Variants in PIK3R5 observed in about 807,000 individuals in gnomAD.
The protein encoded by PIK3R5 is phosphoinositide 3-kinase regulatory subunit 5.
Under a neutral mutation model 94.9 loss-of-function variants are expected in PIK3R5, and 32 were observed. That is an observed-to-expected ratio of 0.34 (90% CI 0.25 to 0.45). The LOEUF (loss-of-function observed/expected upper bound fraction) is 0.45. Among genes scored for constraint, PIK3R5 ranks in the 20% least tolerant of loss-of-function variants. The pLI is 1.00. For missense variants in PIK3R5, 853 were observed against 1,144.6 expected (o/e 0.75, Z 3.68); for synonymous variants, 443 against 479.4 (o/e 0.92, Z 0.99).
chr17:8,960,998 G>A (rs1226203345), intron 1 of PIK3R5, among the ~76,000 whole-genome samples: 1 of 152,182 alleles, frequency 6.6e-6, no homozygotes, highest in Non-Finnish European at 1.5e-5. Flanking sequence ...AGCTGTGCCA[G>A]GTCACTGGTC....
chr17:8,910,921 G>C (rs2090511569), intron 2 of PIK3R5, among the ~76,000 whole-genome samples: 1 of 152,104 alleles, frequency 6.6e-6, no homozygotes, highest in Non-Finnish European at 1.5e-5. Context: ...CGGACACCCT[G>C]TTTTTTAGTC....
At chr17:8,930,991 C>T (rs886147911) in intron 1 of PIK3R5, among the ~76,000 whole-genome samples, 2 of 151,974 alleles carry the variant, frequency 1.3e-5, no homozygotes, top group Admixed American at 6.6e-5. Flanking sequence ...GTGATATTGT[C>T]GTATTTGTTT....
intron 1 of PIK3R5, among the ~76,000 whole-genome samples, chr17:8,914,149 T>C (rs1391999235): frequency 6.6e-6 from 1 of 152,140 alleles, no homozygotes; most frequent in African/African-American, 2.4e-5. Context: ...CAGCGACCCT[T>C]TGTTCTCACA....
chr17:8,922,132 A>AGAAGGAGG (rs1418844970), intron 1 of PIK3R5, among the ~76,000 whole-genome samples: 1 of 141,970 alleles, frequency 7.0e-6, no homozygotes, highest in African/African-American at 2.5e-5. Flanking sequence ...AGAATAGGAA[A>AGAAGGAGG]GAAGGAGGGA....
intron 1 of PIK3R5, among the ~76,000 whole-genome samples, chr17:8,942,983 C>CACACACACACACAA (rs1388223748): frequency 6.6e-6 from 1 of 151,776 alleles, no homozygotes; most frequent in African/African-American, 2.4e-5. Context: ...CACACACACA[C>CACACACACACACAA]ACACACTTTG....
Position 8,942,731 on chromosome 17 carries a change from G to C in PIK3R5, c.-14+22865C>G, listed in dbSNP as rs775776943. On this transcript the variant is annotated intron_variant, in intron 1 of 18. Transcript: ENST00000447110. The stretch of plus-strand genomic sequence containing the variant: ...CGCCATTCTCCTGCCTCAGCCTCCT[G>C]AGTAGCTGGGACTACAGGCGTCCGC... Among the ~76,000 whole-genome samples the C allele has an allele frequency of 3.4e-4, 51 of 152,070 alleles. 1 individual carries two copies. Among genetic ancestry groups the C allele is most frequent in the Admixed American group, 6.5e-4 (10 of 15,278 alleles).
rs1042230985 is a variant in PIK3R5 at position 8,889,673 on chromosome 17, T to C, written c.811+300A>G. On this transcript the variant is annotated intron_variant, in intron 8 of 18. Transcript: ENST00000447110. This position sits in a 1 kb window ranked among gnomAD's most constrained non-coding sequence, Gnocchi z 4.1. ...TGACCAAGGCGGGCTCAAAGGAACA[T>C]GAGCGGAAGTGATGTGCCCAGCTTC... Among the ~76,000 whole-genome samples, 2 of 152,090 alleles carry C rather than the reference T, an allele frequency of 1.3e-5. No individual in the cohort carries two copies. Among genetic ancestry groups the C allele is most frequent in the African/African-American group, 4.8e-5 (2 of 41,384 alleles).
chr17:8,929,046 A>G (rs2090940724), intron 1 of PIK3R5, among the ~76,000 whole-genome samples: 1 of 152,222 alleles, frequency 6.6e-6, no homozygotes, highest in South Asian at 2.1e-4. Context: ...GTGGACTGTG[A>G]TAAGTAACAA....
In PIK3R5 at chr17:8,892,039, G is replaced by A. The variant is rs185114697; in HGVS notation, c.483-1127C>T. 3.7e-4 allele frequency among the ~76,000 whole-genome samples: 56 copies of A among 152,224 alleles called. No individual in the cohort carries two copies. The highest frequency in any genetic ancestry group is 7.5e-4 in the Non-Finnish European group (51 of 68,012). On this transcript the variant is annotated intron_variant, in intron 6 of 18. Transcript: ENST00000447110. This position sits in a 1 kb window ranked among gnomAD's most constrained non-coding sequence, Gnocchi z 4.3. The stretch of plus-strand genomic sequence containing the variant: ...AACCCCTCCATCACTGCATGACCTC[G>A]AAGCAAATTCGAGCCATGGCGGCTT...
In PIK3R5 at chr17:8,911,294, C is replaced by T. The variant is rs926364023; in HGVS notation, c.103+98G>A. 1.8e-5 allele frequency: 16 copies of T among 901,598 alleles called. 1 individual carries two copies. Among genetic ancestry groups the T allele is most frequent in the Non-Finnish European group, 2.5e-5 (14 of 565,772 alleles). The allele number at this position is 901,598 out of a possible 1,614,324, so 55.8% of individuals were successfully genotyped here. On this transcript the variant is annotated intron_variant, in intron 2 of 18. Transcript: ENST00000447110. The surrounding 1 kb of genome is among the most constrained non-coding windows in gnomAD (Gnocchi z 5.3). The stretch of plus-strand genomic sequence containing the variant: ...CCCAAGTCACACAGACAGGGTTTCA[C>T]CTAGAATTTGCCAGTTTCCATGCCT...
At chr17:8,931,138 T>G (rs1229065309) in intron 1 of PIK3R5, among the ~76,000 whole-genome samples, 5 of 152,234 alleles carry the variant, frequency 3.3e-5, no homozygotes, top group African/African-American at 1.2e-4. Flanking sequence ...TTAAAAGCCT[T>G]GTACAGATAA....
rs112763894 is a variant in PIK3R5, at chr17:8,901,928, A to G, written c.412+2849T>C. 5.5e-3 allele frequency among the ~76,000 whole-genome samples: 842 copies of G among 152,294 alleles called. 8 individuals are homozygous for G. Among genetic ancestry groups the G allele is most frequent in the African/African-American group, 0.019 (805 of 41,568 alleles). On this transcript the variant is annotated intron_variant, in intron 5 of 18. Transcript: ENST00000447110. ...TTTGTAGCTACATCTTTGTACATCC[A>G]TAGGGATTCATCAGGATAAAATTGA...
intron 1 of PIK3R5, among the ~76,000 whole-genome samples, chr17:8,947,915 C>T (rs1463018206): frequency 1.6e-4 from 25 of 151,642 alleles, no homozygotes; most frequent in Non-Finnish European, 3.1e-4. Context: ...TGGTGGCGGG[C>T]GCCTGTAGTC....
At chr17:8,906,990 A>G (rs2090410048) in intron 3 of PIK3R5, among the ~76,000 whole-genome samples, 1 of 152,140 alleles carries the variant, frequency 6.6e-6, no homozygotes, top group Admixed American at 6.6e-5. Context: ...TTTTAGCTGC[A>G]TTATACTCCT....
At chr17:8,923,075 A>T (rs2090787453) in intron 1 of PIK3R5, among the ~76,000 whole-genome samples, 2 of 152,190 alleles carry the variant, frequency 1.3e-5, no homozygotes. Context: ...GCTAACGTGT[A>T]CACAGCACTG....
chr17:8,912,308 A>G (rs1336650794), intron 1 of PIK3R5, among the ~76,000 whole-genome samples: 1 of 152,190 alleles, frequency 6.6e-6, no homozygotes, highest in Non-Finnish European at 1.5e-5. Context: ...ACGGAAGGTG[A>G]TTTGGCCCAG....
rs1228341925 is a variant in PIK3R5, at chr17:8,945,450, G to A, written c.-14+20146C>T. Among the ~76,000 whole-genome samples the A allele has an allele frequency of 6.6e-6, 1 of 152,188 alleles. No individual in the cohort carries two copies. Among genetic ancestry groups the A allele is most frequent in the African/African-American group, 2.4e-5 (1 of 41,444 alleles). On this transcript the variant is annotated intron_variant, in intron 1 of 18. Coordinates refer to ENST00000447110, the MANE Select transcript of PIK3R5 (RefSeq NM_001142633.3). This position sits in a 1 kb window ranked among gnomAD's most constrained non-coding sequence, Gnocchi z 4.0. ...GCCCCTTGGCTACTCCTTCATAAGC[G>A]AGGCTTCACTGGTGACCCAGAGAGA...
chr17:8,965,065 A>G (rs2091643919), intron 1 of PIK3R5, among the ~76,000 whole-genome samples: 2 of 152,276 alleles, frequency 1.3e-5, no homozygotes, highest in Admixed American at 1.3e-4. Flanking sequence ...GTAAACACAG[A>G]TCCTCTGAGA....
In PIK3R5 at chr17:8,893,762, A is replaced by G. The variant is rs989459164; in HGVS notation, c.413-107T>C. The G allele has an allele frequency of 1.2e-6, 1 of 858,776 alleles. No homozygotes were observed. Among genetic ancestry groups the G allele is most frequent in the Admixed American group, 2.0e-5 (1 of 50,938 alleles). 53.2% of individuals were successfully genotyped at this position (858,776 alleles called of 1,614,324 possible). ...GGACAATCAGGTTGGAAATTCCCGG[A>G]TGGAGCTCAGGCGAACCTGCAGAGA... On this transcript the variant is annotated intron_variant, in intron 5 of 18. Transcript: ENST00000447110. The surrounding 1 kb of genome is among the most constrained non-coding windows in gnomAD (Gnocchi z 5.1).
Sources: gnomAD v4.1 joint callset for allele counts (sites outside exome capture counted in the v4.1 genomes callset) on GRCh38, gnomAD v4.1.1 for gene constraint, Gnocchi (gnomAD v3.1) non-coding constraint, MANE v1.5 for transcripts, NCBI Gene and HGNC (gene_info 2026-07-23, HGNC 2026-07-21) for gene names.